ZC2HC1B: variants seen among roughly 807,000 people sequenced by gnomAD.
ZC2HC1B encodes zinc finger C2HC domain-containing protein 1B.
Under a neutral mutation model 31.0 loss-of-function variants are expected in ZC2HC1B, and 36 were observed. The observed-to-expected ratio is 1.16, with a 90% confidence interval of 0.89 to 1.54. ZC2HC1B has a LOEUF of 1.54. ZC2HC1B is among the 40% of genes most tolerant of loss of function. ZC2HC1B has a pLI of 0.00. For synonymous variants in ZC2HC1B, 73 were observed against 88.0 expected (o/e 0.83, Z 0.95); for missense variants, 260 against 268.6 (o/e 0.97, Z 0.22).
In ZC2HC1B at chr6:143,926,557, A is replaced by G. The variant is rs932527272; in HGVS notation, c.599-11092A>G. Among the ~76,000 whole-genome samples, 8 of 152,074 alleles carry G rather than the reference A, an allele frequency of 5.3e-5. No individual in the cohort carries two copies. In the East Asian group the frequency reaches 5.8e-4, roughly 11 times the overall value. ...TATGGTCTATACTAGAGAATGTTCCATGTGTTGATGAGAAGAATGTATATT... is the reference window on the plus strand; with the variant it reads ...TATGGTCTATACTAGAGAATGTTCCGTGTGTTGATGAGAAGAATGTATATT... On this transcript the variant is annotated intron_variant, in intron 6 of 7. Transcript: ENST00000237275.
intron 6 of ZC2HC1B, among the ~76,000 whole-genome samples, chr6:143,914,357 GT>G (rs1777892777): frequency 6.6e-6 from 1 of 152,104 alleles, no homozygotes; most frequent in South Asian, 2.1e-4. Context: ...TTGCTTAAGA[GT>G]GTGTTGTTTA....
chr6:143,908,932 T>C lies in ZC2HC1B; in HGVS notation c.598+5780T>C, dbSNP rs1395751667. On this transcript the variant is annotated intron_variant, in intron 6 of 7. Transcript: ENST00000237275. This position sits in a 1 kb window ranked among gnomAD's most constrained non-coding sequence, Gnocchi z 4.4. The stretch of plus-strand genomic sequence containing the variant: ...GTGGGTTTGTCATATGTGACACTTA[T>C]TATTTTGAAGTGTGTTCCTTTAATA... Among the ~76,000 whole-genome samples the C allele has an allele frequency of 1.3e-5, 2 of 152,202 alleles. No homozygotes were observed. Among genetic ancestry groups the C allele is most frequent in the African/African-American group, 2.4e-5 (1 of 41,442 alleles).
At chr6:143,890,856 G>A (rs555699869) in intron 4 of ZC2HC1B, among the ~76,000 whole-genome samples, 6 of 152,172 alleles carry the variant, frequency 3.9e-5, no homozygotes, top group East Asian at 3.9e-4. Flanking sequence ...AAGGCTGGGC[G>A]CAGTGGCTCA....
rs1247526115 is a variant in ZC2HC1B at position 143,878,206 on chromosome 6, T to C, written c.29-6098T>C. 1.3e-5 allele frequency among the ~76,000 whole-genome samples: 2 copies of C among 150,980 alleles called. 1 individual carries two copies. The highest frequency in any genetic ancestry group is 3.0e-5 in the Non-Finnish European group (2 of 67,722). ...TCCCAGTTGAGGGTGAACAAGGTAG[T>C]ACTCTACTTTCTTGTTTTAGTGTTC... On this transcript the variant is annotated intron_variant, in intron 1 of 7. Coordinates refer to ENST00000237275, the MANE Select transcript of ZC2HC1B (RefSeq NM_001013623.3).
At chr6:143,879,041 A>G (rs1777438780) in intron 1 of ZC2HC1B, among the ~76,000 whole-genome samples, 1 of 152,160 alleles carries the variant, frequency 6.6e-6, no homozygotes, top group Non-Finnish European at 1.5e-5. Flanking sequence ...GGCGCGATCT[A>G]GGAATCTTAA....
chr6:143,898,790 G>T (rs912183975), intron 5 of ZC2HC1B, 99 bp downstream of exon 5: 13 of 1,424,864 alleles, frequency 9.1e-6, no homozygotes, highest in Admixed American at 2.3e-5. Context: ...ATCCTAAGAA[G>T]TGTAAGCGTG....
At chr6:143,893,535 C>T (rs1361496111) in intron 4 of ZC2HC1B, among the ~76,000 whole-genome samples, 1 of 151,954 alleles carries the variant, frequency 6.6e-6, no homozygotes, top group Non-Finnish European at 1.5e-5. Context: ...CTAATGCGCT[C>T]CAGCCTGGGT....
At position 143,876,317 on chromosome 6, in the gene ZC2HC1B, T is replaced by C. The variant is rs556081510; in HGVS notation, c.29-7987T>C. ...ATGTTCCTTGGTTCTCCACATGTGG[T>C]CAAAGGTATTATGTATAGAGTAACT... On this transcript the variant is annotated intron_variant, in intron 1 of 7. Coordinates refer to ENST00000237275, the MANE Select transcript of ZC2HC1B (RefSeq NM_001013623.3). 1.3e-5 allele frequency among the ~76,000 whole-genome samples: 2 copies of C among 150,690 alleles called. 1 individual carries two copies. The highest frequency in any genetic ancestry group is 4.9e-5 in the African/African-American group (2 of 40,882).
At chr6:143,873,521 T>C (rs1343120173) in intron 1 of ZC2HC1B, among the ~76,000 whole-genome samples, 1 of 152,254 alleles carries the variant, frequency 6.6e-6, no homozygotes, top group African/African-American at 2.4e-5. Context: ...GCAGAGGTTC[T>C]CCATGAGGAC....
At chr6:143,936,977 G>C (rs540735647) in intron 6 of ZC2HC1B, among the ~76,000 whole-genome samples, 15 of 152,150 alleles carry the variant, frequency 9.9e-5, no homozygotes, top group African/African-American at 2.9e-4. Context: ...CCTTGTTATT[G>C]CTCCTTCATA....
At chr6:143,897,830 C>T (rs946726911) in intron 4 of ZC2HC1B, among the ~76,000 whole-genome samples, 1 of 152,196 alleles carries the variant, frequency 6.6e-6, no homozygotes, top group African/African-American at 2.4e-5. Flanking sequence ...TCTGTAACTT[C>T]TCTAAGACCC....
At position 143,918,589 on chromosome 6, in the gene ZC2HC1B, T is replaced by C. The variant is rs1421200541; in HGVS notation, c.598+15437T>C. Among the ~76,000 whole-genome samples, 1 of 152,222 alleles carries C rather than the reference T, an allele frequency of 6.6e-6. No homozygotes were observed. Among genetic ancestry groups the C allele is most frequent in the Non-Finnish European group, 1.5e-5 (1 of 68,038 alleles). On this transcript the variant is annotated intron_variant, in intron 6 of 7. Transcript: ENST00000237275. The surrounding 1 kb of genome is among the most constrained non-coding windows in gnomAD (Gnocchi z 4.1). ...AGTTTTTGAATGATTCTTAAATGTT[T>C]ATAGTCATGTCTTTTGTTAAATCTG...
rs902383509 is a variant in ZC2HC1B, at chr6:143,869,381, T to C, written c.28+4814T>C. Among the ~76,000 whole-genome samples, 1 of 152,222 alleles carries C rather than the reference T, an allele frequency of 6.6e-6. No homozygotes were observed. Among genetic ancestry groups the C allele is most frequent in the Non-Finnish European group, 1.5e-5 (1 of 68,038 alleles). Reference sequence around the variant, plus strand: ...GTGACTTCAAAAGGCCATCCCACCGTTATATCAATCCAACTGCTTCAGGAT... The same window carrying C: ...GTGACTTCAAAAGGCCATCCCACCGCTATATCAATCCAACTGCTTCAGGAT... On this transcript the variant is annotated intron_variant, in intron 1 of 7. Transcript: ENST00000237275. The surrounding 1 kb of genome is among the most constrained non-coding windows in gnomAD (Gnocchi z 5.2).
chr6:143,896,861 T>C (rs370630181), intron 4 of ZC2HC1B, among the ~76,000 whole-genome samples: 2 of 152,198 alleles, frequency 1.3e-5, no homozygotes, highest in African/African-American at 4.8e-5. Context: ...TTTCAAGGCA[T>C]TTATCTCCGT....
chr6:143,874,417 G>C (rs1334258625), intron 1 of ZC2HC1B, among the ~76,000 whole-genome samples: 2 of 151,998 alleles, frequency 1.3e-5, no homozygotes, highest in Non-Finnish European at 2.9e-5. Flanking sequence ...CACATTTTCG[G>C]GTATCTTTTC....
intron 4 of ZC2HC1B, among the ~76,000 whole-genome samples, chr6:143,891,427 G>A (rs562739513): frequency 3.3e-5 from 5 of 152,104 alleles, no homozygotes; most frequent in South Asian, 2.1e-4. Context: ...CTGGCCAGGC[G>A]TGGTGGCTCA....
chr6:143,879,740 T>C (rs1451213457), intron 1 of ZC2HC1B, among the ~76,000 whole-genome samples: 1 of 151,686 alleles, frequency 6.6e-6, no homozygotes, highest in African/African-American at 2.4e-5. Flanking sequence ...TTTTCAATTT[T>C]AATCTAACCC....
rs1314769266 is a variant in ZC2HC1B at position 143,887,957 on chromosome 6, G to A, written c.349+1136G>A. ...GTATCTGTTTTTTCTTTTGTTGCCT[G>A]TGCTTTTGATGTCATATCCAGAAAT... On this transcript the variant is annotated intron_variant, in intron 4 of 7. Coordinates refer to ENST00000237275, the MANE Select transcript of ZC2HC1B (RefSeq NM_001013623.3). The surrounding 1 kb of genome is among the most constrained non-coding windows in gnomAD (Gnocchi z 5.1). 1.3e-5 allele frequency among the ~76,000 whole-genome samples: 2 copies of A among 151,932 alleles called. No homozygotes were observed. The highest frequency in any genetic ancestry group is 2.9e-5 in the Non-Finnish European group (2 of 67,930).
intron 6 of ZC2HC1B, among the ~76,000 whole-genome samples, chr6:143,935,192 G>A (rs2128498119): frequency 6.6e-6 from 1 of 152,208 alleles, no homozygotes; most frequent in Middle Eastern, 3.4e-3. Flanking sequence ...CCAATAGGCT[G>A]AGCAGACTCA....
Sources: gnomAD v4.1 joint callset for allele counts (sites outside exome capture counted in the v4.1 genomes callset) on GRCh38, gnomAD v4.1.1 for gene constraint, Gnocchi (gnomAD v3.1) non-coding constraint, MANE v1.5 for transcripts, NCBI Gene and HGNC (gene_info 2026-07-23, HGNC 2026-07-21) for gene names.